Variants in DLG2 observed in about 807,000 individuals in gnomAD.
The protein encoded by DLG2 is disks large homolog 2.
In DLG2, 45 loss-of-function variants were observed where a neutral mutation model predicts 132.5. That is an observed-to-expected ratio of 0.34 (90% CI 0.27 to 0.44). The LOEUF is 0.44. Among genes scored for constraint, DLG2 ranks in the 20% least tolerant of loss-of-function variants. DLG2 has a pLI of 1.00. For synonymous variants in DLG2, 424 were observed against 419.6 expected (o/e 1.01, Z -0.13); for missense variants, 1,045 against 1,196.9 (o/e 0.87, Z 1.87).
chr11:83,989,185 TA>T (rs568302851), intron 11 of DLG2, among the ~76,000 whole-genome samples: 3 of 152,074 alleles, frequency 2.0e-5, no homozygotes, highest in Non-Finnish European at 2.9e-5. Context: ...AGTAACTGTA[TA>T]AGGCATCACA....
At chr11:85,348,330 C>A (rs907374098) in intron 3 of DLG2, among the ~76,000 whole-genome samples, 3 of 151,792 alleles carry the variant, frequency 2.0e-5, no homozygotes, top group Non-Finnish European at 2.9e-5. Flanking sequence ...TCAAGTGATT[C>A]TTCAGCTTCA....
At chr11:84,396,345 C>T (rs1451867988) in intron 7 of DLG2, among the ~76,000 whole-genome samples, 2 of 152,076 alleles carry the variant, frequency 1.3e-5, no homozygotes, top group Admixed American at 6.6e-5. Context: ...CAGCAAAAGT[C>T]CTTAACCATA....
At chr11:83,463,097 C>T (rs569384142) in intron 26 of DLG2, among the ~76,000 whole-genome samples, 9 of 152,166 alleles carry the variant, frequency 5.9e-5, no homozygotes, top group East Asian at 3.9e-4. Flanking sequence ...CAATTCCTTT[C>T]GAGAGCAAGT....
chr11:85,160,634 A>G (rs893714942), intron 4 of DLG2, among the ~76,000 whole-genome samples: 4 of 152,146 alleles, frequency 2.6e-5, no homozygotes, highest in African/African-American at 9.7e-5. Flanking sequence ...AGTGGTATAT[A>G]CATGATTGAG....
intron 19 of DLG2, among the ~76,000 whole-genome samples, chr11:83,576,129 A>C (rs762097196): frequency 4.9e-4 from 74 of 152,212 alleles, no homozygotes; most frequent in Non-Finnish European, 4.3e-4. Flanking sequence ...TGCTGAATAG[A>C]ATTAAAGGCA....
chr11:84,344,848 C>T (rs2098532079), intron 7 of DLG2, among the ~76,000 whole-genome samples: 1 of 152,104 alleles, frequency 6.6e-6, no homozygotes, highest in African/African-American at 2.4e-5. Flanking sequence ...CTGCATTTTG[C>T]ATTTCCATCA....
intron 11 of DLG2, among the ~76,000 whole-genome samples, chr11:84,025,618 A>G (rs1434926406): frequency 6.6e-6 from 1 of 152,206 alleles, no homozygotes; most frequent in Non-Finnish European, 1.5e-5. Flanking sequence ...TTCTTCTAGA[A>G]ACATGAATGG....
chr11:84,817,114 G>A (rs1458873378), intron 6 of DLG2, among the ~76,000 whole-genome samples: 1 of 151,982 alleles, frequency 6.6e-6, no homozygotes, highest in Non-Finnish European at 1.5e-5. Context: ...ATGAAGTATG[G>A]AATCATAAAT....
chr11:84,185,246 T>C (rs1249213949), intron 8 of DLG2, among the ~76,000 whole-genome samples: 4 of 152,212 alleles, frequency 2.6e-5, no homozygotes, highest in African/African-American at 9.7e-5. Context: ...TTTTATTTCA[T>C]TGAGCAGTGA....
intron 3 of DLG2, among the ~76,000 whole-genome samples, chr11:85,406,745 T>A (rs570742775): frequency 1.3e-5 from 2 of 151,950 alleles, no homozygotes; most frequent in East Asian, 3.9e-4. Flanking sequence ...ACAGAGTAAG[T>A]TAAACAAAAC....
intron 4 of DLG2, among the ~76,000 whole-genome samples, chr11:85,161,269 G>A (rs2078008423): frequency 6.6e-6 from 1 of 152,168 alleles, no homozygotes; most frequent in Admixed American, 6.5e-5. Flanking sequence ...TTGGCCAGTG[G>A]GCCCATGAAC....
chr11:84,848,183 A>C (rs1308166618), intron 6 of DLG2, among the ~76,000 whole-genome samples: 1 of 152,186 alleles, frequency 6.6e-6, no homozygotes, highest in Admixed American at 6.5e-5. Context: ...GTGCCAACCT[A>C]GATTTCAGAA....
chr11:83,612,760 G>C (rs548138430), intron 19 of DLG2, among the ~76,000 whole-genome samples: 220 of 152,268 alleles, frequency 1.4e-3, no homozygotes, highest in African/African-American at 5.0e-3. Context: ...AGGAGGAAGA[G>C]ACAGTATGCA....
chr11:85,167,488 T>C (rs11234316), intron 4 of DLG2, among the ~76,000 whole-genome samples: 13,793 of 152,132 alleles, frequency 0.091, 878 homozygotes, highest in East Asian at 0.3. Context: ...CCCGTCACCC[T>C]GAAGCAAGTG....
At chr11:83,520,578 A>G in intron 21 of DLG2, among the ~76,000 whole-genome samples, 1 of 152,028 alleles carries the variant, frequency 6.6e-6, no homozygotes, top group Non-Finnish European at 1.5e-5. Flanking sequence ...TAGGTAGGTA[A>G]GTAGGTAGGC....
At chr11:84,141,967 C>T (rs1342594039) in intron 9 of DLG2, among the ~76,000 whole-genome samples, 2 of 151,642 alleles carry the variant, frequency 1.3e-5, no homozygotes, top group Non-Finnish European at 2.9e-5. Context: ...TTTGCTGTAC[C>T]CCAAATATAT....
intron 18 of DLG2, among the ~76,000 whole-genome samples, chr11:83,663,907 T>A (rs548057998): frequency 6.6e-6 from 1 of 152,210 alleles, no homozygotes; most frequent in Non-Finnish European, 1.5e-5. Flanking sequence ...AAACTATTAA[T>A]CTGCCTTCAT....
intron 9 of DLG2, among the ~76,000 whole-genome samples, chr11:84,108,600 G>C (rs767443510): frequency 5.9e-5 from 9 of 152,084 alleles, no homozygotes; most frequent in Admixed American, 5.9e-4. Flanking sequence ...GACCAGAATA[G>C]CTATGCAGTG....
chr11:84,313,693 A>C (rs888475677), intron 7 of DLG2, among the ~76,000 whole-genome samples: 5 of 107,856 alleles, frequency 4.6e-5, no homozygotes, highest in African/African-American at 1.7e-4. Flanking sequence ...AAGAAAAAGA[A>C]AGAGGATACG....
Sources: gnomAD v4.1 joint callset for allele counts (sites outside exome capture counted in the v4.1 genomes callset) on GRCh38, gnomAD v4.1.1 for gene constraint, MANE v1.5 for transcripts, NCBI Gene and HGNC (gene_info 2026-07-23, HGNC 2026-07-21) for gene names.